Variants in RPRD2 observed in about 807,000 individuals in gnomAD.
RPRD2 encodes the protein regulation of nuclear pre-mRNA domain-containing protein 2.
In RPRD2, 12 loss-of-function variants were observed where a neutral mutation model predicts 104.4. The observed-to-expected ratio is 0.11, with a 90% CI of 0.07 to 0.19. The LOEUF (loss-of-function observed/expected upper bound fraction) is 0.19. Among genes scored for constraint, RPRD2 ranks in the 10% least tolerant of loss-of-function variants. The pLI is 1.00. For missense variants in RPRD2, 1,543 were observed against 1,790.1 expected, an observed-to-expected ratio of 0.86 and a Z score of 2.49; for synonymous variants, 714 against 684.9, an observed-to-expected ratio of 1.04 and a Z score of -0.66.
chr1:150,472,871 C>T lies in RPRD2; in HGVS notation c.3923C>T (p.Pro1308Leu). The T allele has an allele frequency of 6.2e-7, 1 of 1,612,884 alleles. No individual in the cohort carries two copies. Among genetic ancestry groups the T allele is most frequent in the Non-Finnish European group, 8.5e-7 (1 of 1,179,390 alleles). Residue 1308 changes from proline (P) to leucine (L), a missense_variant, in exon 11 of 11, where the codon CCA (proline) becomes CTA (leucine). Pro to Leu is a moderately conservative substitution (Grantham distance 98). Transcript: ENST00000369068. ...PVDHSGVVPF[P>L]APPLAEHGVA... ...GACCACTCTGGAGTTGTACCCTTCC[C>T]AGCCCCACCACTGGCAGAGCACGGA...
chr1:150,418,049 C>A (rs973550998), intron 2 of RPRD2, among the ~76,000 whole-genome samples: 2 of 151,864 alleles, frequency 1.3e-5, no homozygotes, highest in Non-Finnish European at 2.9e-5. Context: ...CTCGCTGCAG[C>A]CTCCGCCTCC....
chr1:150,441,149 A>G, intron 3 of RPRD2, 126 bp downstream of exon 3: 1 of 520,150 alleles, frequency 1.9e-6, no homozygotes, highest in East Asian at 3.3e-5. Context: ...CTATTTGTTT[A>G]AAGTTAAATA....
At chr1:150,373,491 A>T (rs1345676613) in intron 1 of RPRD2, among the ~76,000 whole-genome samples, 3 of 143,254 alleles carry the variant, frequency 2.1e-5, no homozygotes, top group Non-Finnish European at 4.6e-5. Context: ...TTCTAGGTGG[A>T]TTAAATGTGG....
chr1:150,448,075 T>G (rs1666914536), intron 7 of RPRD2, among the ~76,000 whole-genome samples: 1 of 152,244 alleles, frequency 6.6e-6, no homozygotes, highest in Non-Finnish European at 1.5e-5. Context: ...CCCTACTTCG[T>G]AAAATTTGGT....
chr1:150,436,455 G>A (rs961914062), intron 2 of RPRD2, among the ~76,000 whole-genome samples: 17 of 151,530 alleles, frequency 1.1e-4, no homozygotes, highest in African/African-American at 4.1e-4. Context: ...CAAAAAATTA[G>A]CTGGGCGTGG....
chr1:150,406,431 G>C (rs1553886538), intron 1 of RPRD2, among the ~76,000 whole-genome samples: 1 of 152,116 alleles, frequency 6.6e-6, no homozygotes, highest in Non-Finnish European at 1.5e-5. Flanking sequence ...TTTGAGACAA[G>C]AGTCTCTCTC....
chr1:150,456,249 T>C (rs1667515597), intron 7 of RPRD2, among the ~76,000 whole-genome samples: 1 of 152,128 alleles, frequency 6.6e-6, no homozygotes, highest in African/African-American at 2.4e-5. Flanking sequence ...AAGATACATT[T>C]AGGCTCTCAA....
At chr1:150,462,746 G>A (rs952547239) in intron 9 of RPRD2, among the ~76,000 whole-genome samples, 14 of 152,026 alleles carry the variant, frequency 9.2e-5, no homozygotes, top group East Asian at 3.9e-4. Context: ...TGGTAGAGAC[G>A]GGCTTTTACC....
chr1:150,403,611 G>A (rs1357034971), intron 1 of RPRD2, among the ~76,000 whole-genome samples: 2 of 152,014 alleles, frequency 1.3e-5, no homozygotes, highest in African/African-American at 4.8e-5. Context: ...CTTCTTATGG[G>A]TGGATAATAT....
At chr1:150,433,593 C>G (rs1572466311) in intron 2 of RPRD2, among the ~76,000 whole-genome samples, 1 of 149,070 alleles carries the variant, frequency 6.7e-6, no homozygotes, top group Non-Finnish European at 1.5e-5. Flanking sequence ...TACAGGCGCC[C>G]GCCACAACGC....
At chr1:150,450,681 C>T (rs1457840913) in intron 7 of RPRD2, among the ~76,000 whole-genome samples, 2 of 150,266 alleles carry the variant, frequency 1.3e-5, no homozygotes, top group African/African-American at 2.4e-5. Flanking sequence ...AGTGCAGTGG[C>T]GCAATCTCGG....
chr1:150,431,473 A>AGTTTTTTTTT, intron 2 of RPRD2, among the ~76,000 whole-genome samples: 1 of 78,846 alleles, frequency 1.3e-5, no homozygotes, highest in East Asian at 5.2e-4. Context: ...AAAAGGAAGG[A>AGTTTTTTTTT]TTTTTTTTTT....
intron 2 of RPRD2, among the ~76,000 whole-genome samples, chr1:150,431,482 T>TG (rs1665576814): frequency 2.8e-5 from 4 of 141,860 alleles, no homozygotes; most frequent in Admixed American, 7.4e-5. Flanking sequence ...GATTTTTTTT[T>TG]TTTTTTTTTT....
At chr1:150,375,519 G>A (rs1249814038) in intron 1 of RPRD2, among the ~76,000 whole-genome samples, 3 of 152,146 alleles carry the variant, frequency 2.0e-5, no homozygotes, top group African/African-American at 4.8e-5. Context: ...ATGTATGTGC[G>A]TAATTTTTTA....
chr1:150,437,032 G>A (rs188431576), intron 2 of RPRD2, among the ~76,000 whole-genome samples: 38 of 152,266 alleles, frequency 2.5e-4, no homozygotes, highest in Admixed American at 1.0e-3. Context: ...ATTGCGAGAC[G>A]TAGTCTCTAT....
chr1:150,411,910 G>A (rs1453643928), intron 1 of RPRD2, among the ~76,000 whole-genome samples: 1 of 151,776 alleles, frequency 6.6e-6, no homozygotes, highest in Non-Finnish European at 1.5e-5. Flanking sequence ...TGGATTGCTT[G>A]AGGTCAGGAG....
rs1242816396 is a variant in RPRD2, at chr1:150,475,252, G to A, written c.*1918G>A. 2.0e-5 allele frequency: 3 copies of A among 152,114 alleles called. No individual in the cohort carries two copies. The highest frequency in any genetic ancestry group is 7.2e-5 in the African/African-American group (3 of 41,414). The allele number at this position is 152,114 out of a possible 1,614,324, so 9.4% of individuals were successfully genotyped here. A position where few individuals can be genotyped will look rare whatever the true frequency, so the allele number is the denominator to read the frequency against. On this transcript the variant is annotated 3_prime_UTR_variant, in exon 11 of 11. Transcript: ENST00000369068. ...AGGGAAAAGCATAAGAGAAAATGGG[G>A]TGGGAGGTGGGGAAATGATATTTGA...
At position 150,475,043 on chromosome 1, in the gene RPRD2, C is replaced by T. The variant is rs1052452532; in HGVS notation, c.*1709C>T. The T allele has an allele frequency of 6.6e-6, 1 of 152,128 alleles. No individual in the cohort carries two copies. The highest frequency in any genetic ancestry group is 2.4e-5 in the African/African-American group (1 of 41,424). 9.4% of individuals were successfully genotyped at this position (152,128 alleles called of 1,614,324 possible). On this transcript the variant is annotated 3_prime_UTR_variant, in exon 11 of 11. Transcript: ENST00000369068. ...CATGTGTTCTGGGGTTAGGATGCTG[C>T]AGGTCATTCATCTTCTTAATGCCTG...
At chr1:150,431,473 A>AGTTTTTTTTTTTTTTTTTTTT (rs1337827257) in intron 2 of RPRD2, among the ~76,000 whole-genome samples, 2 of 78,848 alleles carry the variant, frequency 2.5e-5, no homozygotes, top group South Asian at 6.2e-4. Context: ...AAAAGGAAGG[A>AGTTTTTTTTTTTTTTTTTTTT]TTTTTTTTTT....
Sources: gnomAD v4.1 joint callset for allele counts (sites outside exome capture counted in the v4.1 genomes callset) on GRCh38, gnomAD v4.1.1 for gene constraint, MANE v1.5 for transcripts, NCBI Gene and HGNC (gene_info 2026-07-23, HGNC 2026-07-21) for gene names.